The following BICC1 variants were observed in gnomAD, a reference collection of about 807,000 sequenced individuals.
The protein encoded by BICC1 is protein bicaudal C homolog 1.
A neutral mutation model predicts 111.0 loss-of-function variants in BICC1; 43 were observed. The ratio of observed to expected loss-of-function variants is 0.39; its 90% CI spans 0.30 to 0.50. The LOEUF (loss-of-function observed/expected upper bound fraction) is 0.50, where lower values mean the gene tolerates loss of function less well. BICC1 is among the 20% of genes least tolerant of loss of function. The pLI, the probability that BICC1 is intolerant of heterozygous loss-of-function variation, is 0.88. For missense variants in BICC1, 1,091 were observed against 1,203.2 expected (o/e 0.91, Z 1.38); for synonymous variants, 467 against 434.4 (o/e 1.07, Z -0.93).
At chr10:58,795,400 T>A (rs1391984787) in intron 9 of BICC1, among the ~76,000 whole-genome samples, 1 of 152,216 alleles carries the variant, frequency 6.6e-6, no homozygotes, top group Non-Finnish European at 1.5e-5. Flanking sequence ...CATGTGTGAC[T>A]AATTTGAGTT....
At chr10:58,533,686 G>C (rs905286894) in intron 1 of BICC1, among the ~76,000 whole-genome samples, 4 of 151,754 alleles carry the variant, frequency 2.6e-5, no homozygotes, top group African/African-American at 9.7e-5. Context: ...AATTGTTAAA[G>C]GGAGTTTTTC....
chr10:58,810,451 T>C (rs372232816), intron 17 of BICC1, among the ~76,000 whole-genome samples: 10 of 152,148 alleles, frequency 6.6e-5, no homozygotes, highest in African/African-American at 2.4e-4. Context: ...TGGAAAGATA[T>C]GATCTTTTTT....
intron 1 of BICC1, among the ~76,000 whole-genome samples, chr10:58,613,592 TC>T (rs1342421940): frequency 1.3e-5 from 2 of 152,234 alleles, no homozygotes; most frequent in Non-Finnish European, 2.9e-5. Flanking sequence ...TCTAATGGTC[TC>T]CATATAAGTG....
At chr10:58,741,700 A>G (rs1285202632) in intron 3 of BICC1, among the ~76,000 whole-genome samples, 1 of 152,166 alleles carries the variant, frequency 6.6e-6, no homozygotes, top group Non-Finnish European at 1.5e-5. Context: ...ATCTTGTCCA[A>G]GGATTGTGTA....
intron 3 of BICC1, among the ~76,000 whole-genome samples, chr10:58,730,989 A>T (rs1841273800): frequency 6.6e-6 from 1 of 152,010 alleles, no homozygotes; most frequent in Non-Finnish European, 1.5e-5. Flanking sequence ...CAGGCTGCAA[A>T]TTTTTCCAAA....
At chr10:58,640,799 A>G (rs1268217615) in intron 2 of BICC1, among the ~76,000 whole-genome samples, 1 of 152,228 alleles carries the variant, frequency 6.6e-6, no homozygotes, top group Admixed American at 6.5e-5. Context: ...TAATGTGTCT[A>G]CGAAAGAAAC....
At chr10:58,803,730 A>AT (rs755165019) in intron 15 of BICC1, among the ~76,000 whole-genome samples, 42 of 152,216 alleles carry the variant, frequency 2.8e-4, no homozygotes, top group South Asian at 1.2e-3. Context: ...TGGTTCACAG[A>AT]TTTTTTATGA....
Position 58,769,103 on chromosome 10 carries a change from CAG to C in BICC1, c.308-15893_308-15892del, listed in dbSNP as rs199502997. ...TCTAAGAAAGTTGAACTCATAGAAA[CAG>C]AGAGTAGAATTGTACTAACAGGGAT... On this transcript the variant is annotated intron_variant, in intron 3 of 20. Coordinates refer to ENST00000373886, the MANE Select transcript of BICC1 (RefSeq NM_001080512.3). Among the ~76,000 whole-genome samples, 1,387 of 151,806 alleles carry C rather than the reference CAG, an allele frequency of 9.1e-3. 12 individuals carry two copies. Among genetic ancestry groups the C allele is most frequent in the Non-Finnish European group, 0.012 (838 of 67,856 alleles).
chr10:58,735,301 C>T (rs1841433772), intron 3 of BICC1, among the ~76,000 whole-genome samples: 1 of 152,158 alleles, frequency 6.6e-6, no homozygotes, highest in Admixed American at 6.5e-5. Context: ...GCCTGTGCTG[C>T]TGGAAATATT....
intron 20 of BICC1, among the ~76,000 whole-genome samples, chr10:58,824,619 A>T (rs1423878612): frequency 6.6e-6 from 1 of 152,146 alleles, no homozygotes; most frequent in African/African-American, 2.4e-5. Flanking sequence ...ATTACTGTAG[A>T]TGGCCATATC....
At chr10:58,759,756 G>C (rs1189684211) in intron 3 of BICC1, among the ~76,000 whole-genome samples, 1 of 151,886 alleles carries the variant, frequency 6.6e-6, no homozygotes, top group African/African-American at 2.4e-5. Flanking sequence ...TCAGGAGATC[G>C]AGACCATCCT....
At chr10:58,639,788 A>G (rs373426127) in intron 2 of BICC1, among the ~76,000 whole-genome samples, 79 of 144,118 alleles carry the variant, frequency 5.5e-4, no homozygotes, top group African/African-American at 1.5e-3. Context: ...TCTTGGCTCA[A>G]TGAAGCCTCA....
intron 9 of BICC1, among the ~76,000 whole-genome samples, chr10:58,793,985 CAG>C (rs1843265912): frequency 6.6e-6 from 1 of 152,048 alleles, no homozygotes; most frequent in Non-Finnish European, 1.5e-5. Context: ...AAATTTGTAA[CAG>C]TATTCATTAT....
At chr10:58,811,266 A>T (rs1325587518) in intron 17 of BICC1, among the ~76,000 whole-genome samples, 1 of 152,138 alleles carries the variant, frequency 6.6e-6, no homozygotes, top group Non-Finnish European at 1.5e-5. Flanking sequence ...CCTTTTTGCC[A>T]CCCATCTCTT....
intron 1 of BICC1, among the ~76,000 whole-genome samples, chr10:58,563,268 G>C (rs1342839654): frequency 6.6e-6 from 1 of 152,084 alleles, no homozygotes; most frequent in South Asian, 2.1e-4. Flanking sequence ...TGGGGGTTGC[G>C]GGGGAGACCC....
At chr10:58,582,645 G>T (rs1228743762) in intron 1 of BICC1, among the ~76,000 whole-genome samples, 1 of 152,178 alleles carries the variant, frequency 6.6e-6, no homozygotes. Context: ...GTCCAAAACA[G>T]ATCTCACTGG....
chr10:58,679,233 C>T (rs535506855), intron 2 of BICC1, among the ~76,000 whole-genome samples: 2 of 152,174 alleles, frequency 1.3e-5, no homozygotes, highest in Admixed American at 6.5e-5. Context: ...TTAAAAAAAT[C>T]AGTGAATCCA....
At chr10:58,606,533 G>T (rs917410901) in intron 1 of BICC1, among the ~76,000 whole-genome samples, 1 of 151,914 alleles carries the variant, frequency 6.6e-6, no homozygotes, top group African/African-American at 2.4e-5. Context: ...TGCACATTGT[G>T]CACATCTACC....
At chr10:58,752,276 C>T (rs758266156) in intron 3 of BICC1, among the ~76,000 whole-genome samples, 5 of 152,094 alleles carry the variant, frequency 3.3e-5, no homozygotes, top group Non-Finnish European at 7.4e-5. Context: ...GTCATCAGCG[C>T]GTATTGATGG....
Sources: gnomAD v4.1 joint callset for allele counts (sites outside exome capture counted in the v4.1 genomes callset) on GRCh38, gnomAD v4.1.1 for gene constraint, MANE v1.5 for transcripts, NCBI Gene and HGNC (gene_info 2026-07-23, HGNC 2026-07-21) for gene names.